The following HMOX1 variants were observed in gnomAD, a reference collection of about 807,000 sequenced individuals.
The protein encoded by HMOX1 is heme oxygenase 1.
HMOX1 carries 22 observed loss-of-function variants against 27.8 expected under a neutral mutation model. That is an observed-to-expected ratio of 0.79 (90% CI 0.57 to 1.13). The LOEUF (loss-of-function observed/expected upper bound fraction) is 1.13, where lower values mean the gene tolerates loss of function less well. HMOX1 is among the 50% of genes most tolerant of loss of function. The pLI, the probability that HMOX1 is intolerant of heterozygous loss-of-function variation, is 0.00. For missense variants in HMOX1, 379 were observed against 377.7 expected, an observed-to-expected ratio of 1.00 and a Z score of -0.03; for synonymous variants, 153 against 151.6, an observed-to-expected ratio of 1.01 and a Z score of -0.07.
rs1199760869 is a variant in HMOX1, at chr22:35,386,726, G to A, written c.186G>A (p.Glu62=). 1.2e-6 allele frequency: 2 copies of A among 1,614,204 alleles called. No individual in the cohort carries two copies. Among genetic ancestry groups the A allele is most frequent in the African/African-American group, 2.7e-5 (2 of 75,050 alleles). ...ASLYHIYVAL[E]EEIERNKESP... ...TGTACCACATCTATGTGGCCCTGGA[G>A]GAGGAGATTGAGCGCAACAAGGAGA... Residue 62 remains glutamate, a synonymous_variant, in exon 3 of 5, where the codon GAG becomes GAA. Coordinates refer to ENST00000216117, the MANE Select transcript of HMOX1 (RefSeq NM_002133.3).
Position 35,393,929 on chromosome 22 carries a change from T to C in HMOX1, c.*331T>C. On this transcript the variant is annotated 3_prime_UTR_variant, in exon 5 of 5. Coordinates refer to ENST00000216117, the MANE Select transcript of HMOX1 (RefSeq NM_002133.3). ...CTCCAAAAGCCCTGAGTTTCAAGTA[T>C]CCTTGTTGACACGGCCATGACCACT... 1 of 372,368 alleles carries C rather than the reference T, an allele frequency of 2.7e-6. No individual in the cohort carries two copies. Among genetic ancestry groups the C allele is most frequent in the Non-Finnish European group, 5.2e-6 (1 of 192,068 alleles). The allele number at this position is 372,368 out of a possible 1,614,324, so 23.1% of individuals were successfully genotyped here.
intron 4 of HMOX1, among the ~76,000 whole-genome samples, chr22:35,391,135 C>T (rs900213887): frequency 2.6e-5 from 4 of 152,238 alleles, no homozygotes; most frequent in Admixed American, 6.5e-5. Context: ...TTTGTAACCC[C>T]GGAGGGCTTG....
chr22:35,393,778 A>G lies in HMOX1; in HGVS notation c.*180A>G, dbSNP rs1601745932. The stretch of plus-strand genomic sequence containing the variant: ...GAAGGAGCCTATGGCATCTTCCCCA[A>G]CGAAAAGCACATCCAGGCAATGGCC... On this transcript the variant is annotated 3_prime_UTR_variant, in exon 5 of 5. Coordinates refer to ENST00000216117, the MANE Select transcript of HMOX1 (RefSeq NM_002133.3). The G allele has an allele frequency of 1.3e-6, 1 of 741,100 alleles. No individual in the cohort carries two copies. Among genetic ancestry groups the G allele is most frequent in the Non-Finnish European group, 2.3e-6 (1 of 429,978 alleles). The allele number at this position is 741,100 out of a possible 1,614,324, so 45.9% of individuals were successfully genotyped here.
Position 35,386,614 on chromosome 22 carries a change from A to T in HMOX1, c.145-71A>T. On this transcript the variant is annotated intron_variant, in intron 2 of 4. Transcript: ENST00000216117. Reference sequence around the variant, plus strand: ...TGAGGAGGGCCTTTCCAAAGGCAGTAGTGGACGGGACGGACAGAGGTGGGG... The same window carrying T: ...TGAGGAGGGCCTTTCCAAAGGCAGTTGTGGACGGGACGGACAGAGGTGGGG... 1.9e-6 allele frequency: 3 copies of T among 1,603,702 alleles called. No individual in the cohort carries two copies. In the South Asian group the frequency reaches 3.3e-5, roughly 18 times the overall value.
chr22:35,389,300 TTTCTTTCTTTCTTTCTTTC>T (rs1212498181), intron 3 of HMOX1, among the ~76,000 whole-genome samples: 1 of 83,268 alleles, frequency 1.2e-5, no homozygotes, highest in Admixed American at 1.1e-4. Flanking sequence ...TTCTTTCTTC[TTTCTTTCTTTCTTTCTTTC>T]TTCTTTCTTT....
rs748685954 is a variant in HMOX1, at chr22:35,394,041, G to C, written c.*443G>C. The stretch of plus-strand genomic sequence containing the variant: ...GTCTTATTTTTGTTGGAGCCACTCT[G>C]TTCCTGGCTCAGCCTCAAATGCAGT... On this transcript the variant is annotated 3_prime_UTR_variant, in exon 5 of 5. Coordinates refer to ENST00000216117, the MANE Select transcript of HMOX1 (RefSeq NM_002133.3). 2 of 290,868 alleles carry C rather than the reference G, an allele frequency of 6.9e-6. No homozygotes were observed. Among genetic ancestry groups the C allele is most frequent in the Non-Finnish European group, 1.4e-5 (2 of 148,096 alleles). The allele number at this position is 290,868 out of a possible 1,614,324, so 18.0% of individuals were successfully genotyped here.
At chr22:35,384,447 T>C (rs1156237381) in intron 2 of HMOX1, among the ~76,000 whole-genome samples, 2 of 152,096 alleles carry the variant, frequency 1.3e-5, no homozygotes, top group Non-Finnish European at 2.9e-5. Context: ...CTTGGGCCTG[T>C]AATGGGTCTT....
intron 3 of HMOX1, among the ~76,000 whole-genome samples, chr22:35,389,124 G>A (rs760751043): frequency 1.6e-4 from 24 of 152,130 alleles, no homozygotes; most frequent in South Asian, 2.1e-4. Flanking sequence ...GAGGGCAAGA[G>A]CAGGCAGGGG....
rs1362352156 is a variant in HMOX1, at chr22:35,381,124, G to C, written c.-50G>C. On this transcript the variant is annotated 5_prime_UTR_variant, in exon 1 of 5. Transcript: ENST00000216117. ...GCCTGCCTCCTCTCGAGCGTCCTCA[G>C]CGCAGCCGCCGCCCGCGGAGCCAGC... 1 of 1,535,700 alleles carries C rather than the reference G, an allele frequency of 6.5e-7. No individual in the cohort carries two copies. The highest frequency in any genetic ancestry group is 8.7e-7 in the Non-Finnish European group (1 of 1,146,588).
Position 35,383,153 on chromosome 22 carries a change from T to C in HMOX1, c.71T>C (p.Val24Ala). The C allele has an allele frequency of 6.2e-7, 1 of 1,613,500 alleles. No individual in the cohort carries two copies. The highest frequency in any genetic ancestry group is 8.5e-7 in the Non-Finnish European group (1 of 1,179,772). Reference protein sequence around the residue: ...SEALKEATKEVHTQAENAEFM... With the variant: ...SEALKEATKEAHTQAENAEFM... ...GCCCTGAAGGAGGCCACCAAGGAGG[T>C]GCACACCCAGGCAGAGAATGCTGAG... The change falls in exon 2 of 5, where the codon GTG becomes GCG. Residue 24 changes from valine to alanine, a missense_variant. Val to Ala is a moderately conservative substitution (Grantham distance 64). Transcript: ENST00000216117.
At chr22:35,383,977 G>A (rs1931447465) in intron 2 of HMOX1, among the ~76,000 whole-genome samples, 1 of 152,016 alleles carries the variant, frequency 6.6e-6, no homozygotes, top group South Asian at 2.1e-4. Context: ...TGAACAGAGG[G>A]TGTGGGGGTG....
intron 2 of HMOX1, among the ~76,000 whole-genome samples, chr22:35,384,248 A>G (rs753111552): frequency 1.3e-5 from 2 of 151,530 alleles, no homozygotes; most frequent in Non-Finnish European, 2.9e-5. Context: ...CACCTGGCCA[A>G]TTTTTGTATT....
rs200053095 is a variant in HMOX1, at chr22:35,387,027, G to A, written c.487G>A (p.Gly163Ser). The change falls in exon 3 of 5, where the codon GGC becomes AGC. Residue 163 changes from glycine to serine, a missense_variant. Coordinates refer to ENST00000216117, the MANE Select transcript of HMOX1 (RefSeq NM_002133.3). ...CCTGGACCTGCCCAGCTCTGGCGAG[G>A]GCCTGGCCTTCTTCACCTTCCCCAA... Reference protein sequence around the residue: ...KALDLPSSGEGLAFFTFPNIA... With the variant: ...KALDLPSSGESLAFFTFPNIA... 6 of 1,613,750 alleles carry A rather than the reference G, an allele frequency of 3.7e-6. No homozygotes were observed. Among genetic ancestry groups the A allele is most frequent in the Non-Finnish European group, 5.1e-6 (6 of 1,180,024 alleles).
intron 1 of HMOX1, among the ~76,000 whole-genome samples, chr22:35,382,138 A>C (rs970169224): frequency 6.6e-6 from 1 of 152,126 alleles, no homozygotes; most frequent in Non-Finnish European, 1.5e-5. Flanking sequence ...ACAAACTTGG[A>C]GATGCCGGTT....
intron 4 of HMOX1, chr22:35,390,417 T>TG (rs1931686213): frequency 4.1e-6 from 1 of 244,146 alleles, no homozygotes; most frequent in South Asian, 5.0e-5. Flanking sequence ...TTAGTAGAGA[T>TG]GGGGTTTCAC....
intron 4 of HMOX1, among the ~76,000 whole-genome samples, chr22:35,391,306 G>A (rs1348628393): frequency 1.4e-5 from 2 of 147,882 alleles, no homozygotes; most frequent in East Asian, 2.0e-4. Context: ...TTTTTTTTTC[G>A]TTTGAGACAG....
intron 2 of HMOX1, among the ~76,000 whole-genome samples, chr22:35,385,129 C>A (rs1931472659): frequency 6.6e-6 from 1 of 152,138 alleles, no homozygotes; most frequent in Non-Finnish European, 1.5e-5. Context: ...AGCCAAGGTA[C>A]ACTCAAGACC....
chr22:35,387,201 G>A (rs996767892), intron 3 of HMOX1, 25 bp downstream of exon 3: 1 of 1,612,952 alleles, frequency 6.2e-7, no homozygotes, highest in African/African-American at 1.3e-5. Flanking sequence ...GCCTGGGGCA[G>A]CCTCTGCCTC....
rs759192105 is a variant in HMOX1, at chr22:35,387,037, T to C, written c.497T>C (p.Phe166Ser). 2 of 1,613,720 alleles carry C rather than the reference T, an allele frequency of 1.2e-6. No individual in the cohort carries two copies. The highest frequency in any genetic ancestry group is 1.7e-6 in the Non-Finnish European group (2 of 1,180,028). Residue 166 changes from phenylalanine (F) to serine (S), a missense_variant, in exon 3 of 5, where the codon TTC (phenylalanine) becomes TCC (serine). Phe to Ser is a radical substitution (Grantham distance 155). Coordinates refer to ENST00000216117, the MANE Select transcript of HMOX1 (RefSeq NM_002133.3). Reference sequence around the variant, plus strand: ...CCCAGCTCTGGCGAGGGCCTGGCCTTCTTCACCTTCCCCAACATTGCCAGT... The same window carrying C: ...CCCAGCTCTGGCGAGGGCCTGGCCTCCTTCACCTTCCCCAACATTGCCAGT... ...DLPSSGEGLA[F>S]FTFPNIASAT...
Sources: gnomAD v4.1 joint callset for allele counts (sites outside exome capture counted in the v4.1 genomes callset) on GRCh38, gnomAD v4.1.1 for gene constraint, MANE v1.5 for transcripts, NCBI Gene and HGNC (gene_info 2026-07-23, HGNC 2026-07-21) for gene names.